Variants in BLNK observed in about 807,000 individuals in gnomAD.
The protein encoded by BLNK is B cell linker.
A neutral mutation model predicts 73.5 loss-of-function variants in BLNK; 29 were observed. The observed-to-expected ratio is 0.39, with a 90% CI of 0.29 to 0.54. BLNK has a LOEUF of 0.54. Among genes scored for constraint, BLNK ranks in the 20% least tolerant of loss-of-function variants. The pLI, the probability that BLNK is intolerant of heterozygous loss-of-function variation, is 0.61. For synonymous variants in BLNK, 176 were observed against 200.8 expected (o/e 0.88, Z 1.04); for missense variants, 460 against 562.8 (o/e 0.82, Z 1.85).
chr10:96,245,529 C>T (rs1016598622), intron 2 of BLNK, among the ~76,000 whole-genome samples: 2 of 151,950 alleles, frequency 1.3e-5, no homozygotes, highest in African/African-American at 2.4e-5. Flanking sequence ...AATGTTGTAC[C>T]GGTTTAAATT....
At chr10:96,217,483 T>C (rs1554900132) in intron 6 of BLNK, among the ~76,000 whole-genome samples, 1 of 152,248 alleles carries the variant, frequency 6.6e-6, no homozygotes. Context: ...GTTATCATCC[T>C]TTTTATTACA....
In BLNK at chr10:96,195,130, A is replaced by G. The variant is rs587760660; in HGVS notation, c.1251+1778T>C. Among the ~76,000 whole-genome samples the G allele has an allele frequency of 2.6e-5, 4 of 152,326 alleles. No individual in the cohort carries two copies. The East Asian group carries it at 7.7e-4, about 29-fold the overall frequency. On this transcript the variant is annotated intron_variant, in intron 16 of 16. Transcript: ENST00000224337. ...TCACCTTACACCCATTTGGACGGCT[A>G]CTATAAAACAACAACACAATTCAGA...
intron 4 of BLNK, among the ~76,000 whole-genome samples, chr10:96,228,048 G>A (rs1554903031): frequency 6.6e-6 from 1 of 151,348 alleles, no homozygotes; most frequent in Non-Finnish European, 1.5e-5. Flanking sequence ...TTGGTAAGCT[G>A]CAGGGTCAAG....
intron 5 of BLNK, 140 bp from the exon 6 acceptor site, chr10:96,224,129 G>A: frequency 9.8e-7 from 1 of 1,015,420 alleles, no homozygotes; most frequent in East Asian, 2.6e-5. Flanking sequence ...CCTTGAAAGA[G>A]TAAAGTGAAA....
chr10:96,221,097 C>T (rs1413177691), intron 6 of BLNK, among the ~76,000 whole-genome samples: 2 of 152,224 alleles, frequency 1.3e-5, no homozygotes, highest in Non-Finnish European at 2.9e-5. Context: ...TATATTCCCT[C>T]TGTGACCTTG....
chr10:96,196,649 A>C (rs2083473534), intron 16 of BLNK, among the ~76,000 whole-genome samples: 1 of 152,194 alleles, frequency 6.6e-6, no homozygotes, highest in Admixed American at 6.5e-5. Context: ...CTGGACTAAA[A>C]TCTTGGGTCA....
intron 11 of BLNK, chr10:96,204,817 C>A: frequency 1.8e-6 from 1 of 570,346 alleles, no homozygotes; most frequent in Admixed American, 2.4e-5. Flanking sequence ...TCCCTCCCAG[C>A]AGTGTTACAG....
intron 3 of BLNK, among the ~76,000 whole-genome samples, chr10:96,236,876 A>T (rs1334948104): frequency 6.6e-6 from 1 of 151,858 alleles, no homozygotes; most frequent in Non-Finnish European, 1.5e-5. Flanking sequence ...CTTTGTCTGT[A>T]TGTCTACTCA....
At position 96,191,659 on chromosome 10, in the gene BLNK, C is replaced by T. The variant is rs1325587562; in HGVS notation, c.*314G>A. ...AAATTTCCAGCCACTTTGTTTTATG[C>T]AAGAGCATTATTTTCTTATTTTGAT... On this transcript the variant is annotated 3_prime_UTR_variant, in exon 17 of 17. Transcript: ENST00000224337. 3 of 231,166 alleles carry T rather than the reference C, an allele frequency of 1.3e-5. No individual in the cohort carries two copies. In the South Asian group the frequency reaches 1.9e-4, roughly 14 times the overall value. 14.3% of individuals were successfully genotyped at this position (231,166 alleles called of 1,614,324 possible).
At chr10:96,223,173 G>C (rs1378008084) in intron 6 of BLNK, among the ~76,000 whole-genome samples, 1 of 152,142 alleles carries the variant, frequency 6.6e-6, no homozygotes, top group Non-Finnish European at 1.5e-5. Flanking sequence ...GGGATCGTGC[G>C]TACAACTCCG....
intron 11 of BLNK, among the ~76,000 whole-genome samples, chr10:96,206,250 G>T (rs913988052): frequency 6.6e-5 from 10 of 152,090 alleles, no homozygotes; most frequent in African/African-American, 2.4e-4. Flanking sequence ...TTAACCCTGG[G>T]TATCTTCAAG....
At chr10:96,252,198 C>G (rs782360076) in intron 1 of BLNK, among the ~76,000 whole-genome samples, 2 of 152,066 alleles carry the variant, frequency 1.3e-5, no homozygotes, top group Non-Finnish European at 2.9e-5. Context: ...AATACAGGCA[C>G]CTGCCACCAT....
intron 8 of BLNK, among the ~76,000 whole-genome samples, chr10:96,212,969 C>T (rs993422746): frequency 6.6e-6 from 1 of 152,202 alleles, no homozygotes; most frequent in South Asian, 2.1e-4. Flanking sequence ...GTGATAATCA[C>T]ATAACCAGGA....
rs988433649 is a variant in BLNK at position 96,196,807 on chromosome 10, T to A, written c.1251+101A>T. Reference sequence around the variant, plus strand: ...TTTATGCAAGCATTAGAACAAGTACTTTTGTATCCTTTCTCCTCATCTCTA... The same window carrying A: ...TTTATGCAAGCATTAGAACAAGTACATTTGTATCCTTTCTCCTCATCTCTA... On this transcript the variant is annotated intron_variant, in intron 16 of 16. Transcript: ENST00000224337. 284 of 1,197,326 alleles carry A rather than the reference T, an allele frequency of 2.4e-4. 1 individual carries two copies. The highest frequency in any genetic ancestry group is 2.8e-4 in the Non-Finnish European group (231 of 823,096). 74.2% of individuals were successfully genotyped at this position (1,197,326 alleles called of 1,614,324 possible).
intron 4 of BLNK, among the ~76,000 whole-genome samples, chr10:96,228,508 C>T (rs987309581): frequency 2.6e-5 from 4 of 152,108 alleles, no homozygotes; most frequent in South Asian, 4.1e-4. Flanking sequence ...CTGCCAGCCT[C>T]GGCCTCCCAA....
Position 96,266,387 on chromosome 10 carries a change from T to G in BLNK, c.47+4965A>C, listed in dbSNP as rs59818253. Among the ~76,000 whole-genome samples the G allele has an allele frequency of 8.1e-3, 1,229 of 152,334 alleles. 51 individuals are homozygous for G. The East Asian group carries it at 0.082, about 10-fold the overall frequency. On this transcript the variant is annotated intron_variant, in intron 1 of 16. Transcript: ENST00000224337. ...GGTGTTGTTCAGCCATGGTACACAA[T>G]CACTGGGTCCAGAAGAGAGGTTCCT... is the stretch of plus-strand genomic sequence containing the variant.
intron 4 of BLNK, among the ~76,000 whole-genome samples, chr10:96,228,973 ATATATATGGGG>A (rs1842387140): frequency 6.6e-6 from 1 of 151,940 alleles, no homozygotes; most frequent in Non-Finnish European, 1.5e-5. Flanking sequence ...GTAGGTATAT[ATATATATGGGG>A]TATATGAGAT....
chr10:96,234,126 C>T (rs1842610566), intron 3 of BLNK, among the ~76,000 whole-genome samples: 1 of 152,204 alleles, frequency 6.6e-6, no homozygotes, highest in Non-Finnish European at 1.5e-5. Flanking sequence ...GCTGTGTTGG[C>T]TCCTGCAGCT....
intron 3 of BLNK, among the ~76,000 whole-genome samples, chr10:96,231,413 C>T (rs1156902630): frequency 6.6e-6 from 1 of 152,188 alleles, no homozygotes; most frequent in Admixed American, 6.5e-5. Flanking sequence ...TTTTAGCCCT[C>T]TCAAAGACGC....
Sources: gnomAD v4.1 joint callset for allele counts (sites outside exome capture counted in the v4.1 genomes callset) on GRCh38, gnomAD v4.1.1 for gene constraint, MANE v1.5 for transcripts, NCBI Gene and HGNC (gene_info 2026-07-23, HGNC 2026-07-21) for gene names.